Variants in RIMS2 observed in about 807,000 individuals in gnomAD.
RIMS2 encodes the protein regulating synaptic membrane exocytosis protein 2.
RIMS2 carries 59 observed loss-of-function variants against 174.4 expected under a neutral mutation model. That is an observed-to-expected ratio of 0.34 (90% CI 0.27 to 0.42). The LOEUF (loss-of-function observed/expected upper bound fraction) is 0.42. Among genes scored for constraint, RIMS2 ranks in the 10% least tolerant of loss-of-function variants. The probability of loss-of-function intolerance (pLI) is 1.00; values close to 1 mark genes in which losing one functional copy is unlikely to be tolerated. For synonymous variants in RIMS2, 606 were observed against 572.5 expected (o/e 1.06, Z -0.84); for missense variants, 1,620 against 1,666.3 (o/e 0.97, Z 0.48).
At chr8:104,170,774 A>C (rs1256304463) in intron 19 of RIMS2, among the ~76,000 whole-genome samples, 1 of 152,036 alleles carries the variant, frequency 6.6e-6, no homozygotes, top group Admixed American at 6.6e-5. Flanking sequence ...GATTTAAGGA[A>C]GTTCTCTTTT....
At chr8:103,804,110 A>C (rs1482613179) in intron 3 of RIMS2, among the ~76,000 whole-genome samples, 1 of 152,202 alleles carries the variant, frequency 6.6e-6, no homozygotes, top group Non-Finnish European at 1.5e-5. Flanking sequence ...TATTTCAAAA[A>C]AAGTAAAGAA....
intron 1 of RIMS2, among the ~76,000 whole-genome samples, chr8:103,628,025 C>T (rs1363473602): frequency 1.3e-5 from 2 of 152,080 alleles, no homozygotes; most frequent in Non-Finnish European, 2.9e-5. Flanking sequence ...CTATCTAGAC[C>T]TCAGACAATT....
intron 1 of RIMS2, among the ~76,000 whole-genome samples, chr8:103,547,511 T>C (rs1440709331): frequency 6.6e-6 from 1 of 152,090 alleles, no homozygotes; most frequent in African/African-American, 2.4e-5. Context: ...ACTTAAGCAG[T>C]GTTAAGAGGG....
intron 3 of RIMS2, among the ~76,000 whole-genome samples, chr8:103,829,561 A>G (rs1210328147): frequency 6.6e-6 from 1 of 152,218 alleles, no homozygotes; most frequent in Non-Finnish European, 1.5e-5. Context: ...TTGCAGCAAC[A>G]TAGATCGAGT....
intron 19 of RIMS2, among the ~76,000 whole-genome samples, chr8:104,055,420 A>G (rs952554579): frequency 6.6e-6 from 1 of 152,164 alleles, no homozygotes; most frequent in African/African-American, 2.4e-5. Flanking sequence ...GTATTTAGCA[A>G]TCATGTAAAA....
At chr8:103,897,789 A>G (rs2099296707) in intron 4 of RIMS2, among the ~76,000 whole-genome samples, 1 of 151,710 alleles carries the variant, frequency 6.6e-6, no homozygotes, top group African/African-American at 2.4e-5. Context: ...GAGACTTGCC[A>G]TAAATTGTAT....
chr8:103,872,107 T>A (rs1565031497), intron 3 of RIMS2, among the ~76,000 whole-genome samples: 1 of 152,200 alleles, frequency 6.6e-6, no homozygotes. Context: ...CATTAGCCTG[T>A]TTCTGTGGTG....
intron 19 of RIMS2, among the ~76,000 whole-genome samples, chr8:104,217,294 G>A (rs2099134771): frequency 6.6e-6 from 1 of 150,844 alleles, no homozygotes; most frequent in African/African-American, 2.4e-5. Flanking sequence ...TTTGAGACAG[G>A]GTCCTGCTTT....
At chr8:104,082,639 T>A (rs1274865245) in intron 19 of RIMS2, among the ~76,000 whole-genome samples, 1 of 152,112 alleles carries the variant, frequency 6.6e-6, no homozygotes, top group Admixed American at 6.5e-5. Flanking sequence ...TGTGGAGAAC[T>A]TTGAATCTCT....
chr8:103,681,664 A>C (rs2096882194), intron 1 of RIMS2, among the ~76,000 whole-genome samples: 2 of 152,126 alleles, frequency 1.3e-5, no homozygotes, highest in African/African-American at 4.8e-5. Context: ...GGGAAAAGAA[A>C]CTGCAAAAAA....
At chr8:103,694,784 G>GCCT (rs2097078620) in intron 1 of RIMS2, among the ~76,000 whole-genome samples, 1 of 152,172 alleles carries the variant, frequency 6.6e-6, no homozygotes, top group Admixed American at 6.5e-5. Flanking sequence ...CCTGATACTG[G>GCCT]GTTGTGCCTG....
rs58750334 is a variant in RIMS2 at position 103,985,473 on chromosome 8, CAAAAAAAAA to C, written c.2928-3810_2928-3802del. Among the ~76,000 whole-genome samples the C allele has an allele frequency of 5.5e-4, 20 of 36,158 alleles. No individual in the cohort carries two copies. In the South Asian group the frequency reaches 0.019, roughly 35 times the overall value. 23.7% of individuals were successfully genotyped at this position (36,158 alleles called of 152,430 possible). On this transcript the variant is annotated intron_variant, in intron 16 of 23. Transcript: ENST00000504942. ...TGGGCAACAAAGCAAGACTCTGTCT[CAAAAAAAAA>C]AAAAAAAAAAAAAAAAAAAAAGAGT...
intron 1 of RIMS2, among the ~76,000 whole-genome samples, chr8:103,551,797 T>A (rs1268527117): frequency 6.6e-6 from 1 of 152,090 alleles, no homozygotes; most frequent in Non-Finnish European, 1.5e-5. Context: ...AGCATTCCTA[T>A]AAACCAATAA....
rs6985651 is a variant in RIMS2 at position 103,564,046 on chromosome 8, T to C, written c.176+62984T>C. On this transcript the variant is annotated intron_variant, in intron 1 of 23. Transcript: ENST00000504942. ...TTTGGGTGGGGATGCAATCAAACCA[T>C]ATCATGGCCTTAAATCACAGTCCAC... 1.4e-3 allele frequency among the ~76,000 whole-genome samples: 213 copies of C among 152,324 alleles called. 1 individual carries two copies. Among genetic ancestry groups the C allele is most frequent in the African/African-American group, 5.0e-3 (207 of 41,586 alleles).
At chr8:103,865,314 T>C (rs2099079822) in intron 3 of RIMS2, among the ~76,000 whole-genome samples, 1 of 137,788 alleles carries the variant, frequency 7.3e-6, no homozygotes, top group Non-Finnish European at 1.5e-5. Flanking sequence ...AGATGGAGAC[T>C]TGCTCTGTCT....
chr8:103,511,700 T>C (rs1826510979), intron 1 of RIMS2, among the ~76,000 whole-genome samples: 1 of 152,198 alleles, frequency 6.6e-6, no homozygotes, highest in African/African-American at 2.4e-5. Flanking sequence ...ACTACTAATA[T>C]AAATTTATGT....
intron 1 of RIMS2, among the ~76,000 whole-genome samples, chr8:103,572,207 C>T (rs1410778896): frequency 2.0e-5 from 3 of 152,200 alleles, no homozygotes; most frequent in Non-Finnish European, 2.9e-5. Context: ...TTAAAGGTGC[C>T]GCGGACCCAG....
chr8:103,914,150 C>G (rs2076240401), intron 6 of RIMS2, among the ~76,000 whole-genome samples: 1 of 152,078 alleles, frequency 6.6e-6, no homozygotes, highest in African/African-American at 2.4e-5. Context: ...GCCTATAGTC[C>G]CAGCTACTTG....
intron 3 of RIMS2, among the ~76,000 whole-genome samples, chr8:103,776,128 G>A (rs946784380): frequency 6.6e-6 from 1 of 152,114 alleles, no homozygotes; most frequent in Non-Finnish European, 1.5e-5. Flanking sequence ...CTTACATACT[G>A]CTGCTGCCAT....
Sources: gnomAD v4.1 joint callset for allele counts (sites outside exome capture counted in the v4.1 genomes callset) on GRCh38, gnomAD v4.1.1 for gene constraint, MANE v1.5 for transcripts, NCBI Gene and HGNC (gene_info 2026-07-23, HGNC 2026-07-21) for gene names.